The following TEN1 variants were observed in gnomAD, a reference collection of about 807,000 sequenced individuals.
TEN1 encodes the protein TEN1 subunit of CST complex, also known as CST complex subunit TEN1.
TEN1 carries 6 observed loss-of-function variants against 9.3 expected under a neutral mutation model. The observed-to-expected ratio is 0.65, with a 90% CI of 0.35 to 1.27. TEN1 has a LOEUF of 1.27. TEN1 is among the 50% of genes most tolerant of loss of function. The pLI is 0.03. For missense variants in TEN1, 149 were observed against 158.2 expected (o/e 0.94, Z 0.31); for synonymous variants, 65 against 65.6 (o/e 0.99, Z 0.04).
intron 2 of TEN1, among the ~76,000 whole-genome samples, chr17:75,990,995 C>A (rs1355905856): frequency 4.7e-5 from 7 of 150,218 alleles, no homozygotes; most frequent in African/African-American, 1.7e-4. Flanking sequence ...ACTAAAAATA[C>A]AAAAATTAGC....
chr17:75,999,350 A>AT (rs1396615133), intron 3 of TEN1, among the ~76,000 whole-genome samples: 8 of 148,656 alleles, frequency 5.4e-5, no homozygotes, highest in South Asian at 2.1e-4. Context: ...CAAAAAAAAA[A>AT]TTTTTTTTTT....
At chr17:75,984,277 G>T (rs76948909) in intron 1 of TEN1, among the ~76,000 whole-genome samples, 7,145 of 152,252 alleles carry the variant, frequency 0.047, 202 homozygotes, top group East Asian at 0.15. Flanking sequence ...CTCTGAGGAG[G>T]AGATCTTTTT....
intron 3 of TEN1, among the ~76,000 whole-genome samples, chr17:75,994,938 A>G (rs953978319): frequency 2.0e-5 from 3 of 152,124 alleles, no homozygotes; most frequent in African/African-American, 7.2e-5. Context: ...CCTCCCTGTG[A>G]AAACCAAGTG....
chr17:75,989,113 T>A (rs1329779265), intron 2 of TEN1, among the ~76,000 whole-genome samples: 2 of 151,094 alleles, frequency 1.3e-5, no homozygotes, highest in Non-Finnish European at 2.9e-5. Context: ...TTTTTTTCTT[T>A]TTTTGAGACA....
intron 1 of TEN1, among the ~76,000 whole-genome samples, chr17:75,985,529 TG>T (rs1156341029): frequency 3.9e-5 from 6 of 152,124 alleles, no homozygotes; most frequent in Non-Finnish European, 7.4e-5. Context: ...TTGTTTGTCT[TG>T]CTTTGTTTTT....
chr17:75,988,397 C>A (rs141099275), intron 2 of TEN1, among the ~76,000 whole-genome samples: 8,529 of 150,812 alleles, frequency 0.057, 241 homozygotes, highest in Non-Finnish European at 0.062. Flanking sequence ...CCTGTCTCTA[C>A]AAAATATACA....
At chr17:75,986,417 A>T in intron 2 of TEN1, 133 bp downstream of exon 2, 1 of 892,116 alleles carries the variant, frequency 1.1e-6, no homozygotes, top group Non-Finnish European at 1.6e-6. Context: ...AAAAAAAATT[A>T]GTTGCCGGGC....
At chr17:75,981,739 C>T (rs1004434187) in intron 1 of TEN1, among the ~76,000 whole-genome samples, 1 of 152,066 alleles carries the variant, frequency 6.6e-6, no homozygotes, top group African/African-American at 2.4e-5. Flanking sequence ...CCATAAAACC[C>T]TAAATATAAG....
chr17:76,000,326 C>A lies in TEN1; in HGVS notation c.*64C>A, dbSNP rs974646662. ...CCCGAACCCTCTGGAGCTGCAGGAG[C>A]CCGGGAGAGCACAGACGCCTCCCCA... On this transcript the variant is annotated 3_prime_UTR_variant, in exon 4 of 4. Transcript: ENST00000397640. This position sits in a 1 kb window ranked among gnomAD's most constrained non-coding sequence, Gnocchi z 5.9. The A allele has an allele frequency of 1.3e-5, 20 of 1,507,284 alleles. 1 individual carries two copies. The highest frequency in any genetic ancestry group is 1.8e-5 in the Non-Finnish European group (20 of 1,122,802). 93.4% of individuals were successfully genotyped at this position (1,507,284 alleles called of 1,614,324 possible).
chr17:75,988,578 A>AG (rs1240172540), intron 2 of TEN1, among the ~76,000 whole-genome samples: 4 of 149,800 alleles, frequency 2.7e-5, no homozygotes, highest in African/African-American at 1.0e-4. Flanking sequence ...AAAAAAAAAA[A>AG]AAAAAAAAAG....
At chr17:75,980,567 A>G (rs970698897) in intron 1 of TEN1, among the ~76,000 whole-genome samples, 7 of 151,810 alleles carry the variant, frequency 4.6e-5, no homozygotes, top group Non-Finnish European at 1.0e-4. Context: ...AGCTGGGATT[A>G]TAGGGGCTCG....
At chr17:75,986,687 G>A (rs1227528979) in intron 2 of TEN1, among the ~76,000 whole-genome samples, 1 of 151,532 alleles carries the variant, frequency 6.6e-6, no homozygotes, top group Non-Finnish European at 1.5e-5. Flanking sequence ...GGCGACAAGA[G>A]CAAAACTCTG....
chr17:75,997,123 C>G (rs901322725), intron 3 of TEN1, among the ~76,000 whole-genome samples: 3 of 152,140 alleles, frequency 2.0e-5, no homozygotes, highest in African/African-American at 7.2e-5. Context: ...ACTCAGGACT[C>G]CCGGGCTTTC....
intron 1 of TEN1, chr17:75,984,655 T>C (rs1296060392): frequency 6.6e-6 from 1 of 152,236 alleles, no homozygotes; most frequent in Non-Finnish European, 1.5e-5. Flanking sequence ...GCTGGGATTA[T>C]AGGCATGAGC....
intron 3 of TEN1, among the ~76,000 whole-genome samples, chr17:75,992,181 AG>A (rs1164691549): frequency 6.6e-6 from 1 of 152,008 alleles, no homozygotes; most frequent in Non-Finnish European, 1.5e-5. Flanking sequence ...CAGCTTGCTT[AG>A]ATCTTTTTGA....
chr17:75,986,607 A>G (rs1475166270), intron 2 of TEN1, among the ~76,000 whole-genome samples: 1 of 152,062 alleles, frequency 6.6e-6, no homozygotes, highest in East Asian at 1.9e-4. Context: ...AGGCTGAGGC[A>G]GGAGAATTGC....
intron 3 of TEN1, among the ~76,000 whole-genome samples, chr17:75,996,395 G>T (rs1352374287): frequency 1.3e-5 from 2 of 152,106 alleles, no homozygotes; most frequent in Admixed American, 6.6e-5. Flanking sequence ...CAAGGCAGGA[G>T]AATCGCTTGA....
At chr17:75,990,717 C>T (rs2066179508) in intron 2 of TEN1, among the ~76,000 whole-genome samples, 1 of 149,090 alleles carries the variant, frequency 6.7e-6, no homozygotes, top group South Asian at 2.1e-4. Context: ...ACCTATAGTC[C>T]CAGCTACTCA....
intron 2 of TEN1, among the ~76,000 whole-genome samples, chr17:75,989,040 G>C (rs2066169504): frequency 6.6e-6 from 1 of 151,994 alleles, no homozygotes; most frequent in Admixed American, 6.6e-5. Context: ...CAAAGTGCTG[G>C]GATTACAGGC....
Sources: gnomAD v4.1 joint callset for allele counts (sites outside exome capture counted in the v4.1 genomes callset) on GRCh38, gnomAD v4.1.1 for gene constraint, Gnocchi (gnomAD v3.1) non-coding constraint, MANE v1.5 for transcripts, NCBI Gene and HGNC (gene_info 2026-07-23, HGNC 2026-07-21) for gene names.